The following ANXA8 variants were observed in gnomAD, a reference collection of about 807,000 sequenced individuals.
ANXA8 encodes annexin A8, also known as VAC-beta.
A neutral mutation model predicts 26.8 loss-of-function variants in ANXA8; 9 were observed. That is an observed-to-expected ratio of 0.34 (90% CI 0.20 to 0.59). The LOEUF is 0.59. Among genes scored for constraint, ANXA8 ranks in the 20% least tolerant of loss-of-function variants. The pLI is 0.84. For missense variants in ANXA8, 83 were observed against 238.5 expected (o/e 0.35, Z 4.29); for synonymous variants, 39 against 94.8 (o/e 0.41, Z 3.42).
the ANXA8 span, among the ~76,000 whole-genome samples, chr10:47,681,526 T>A: frequency 3.2e-5 from 4 of 123,848 alleles, no homozygotes; most frequent in African/African-American, 9.9e-5. Context: ...ATTTTTACTT[T>A]TTTTTTTTTT....
chr10:47,670,965 G>A, the ANXA8 span, among the ~76,000 whole-genome samples: 7 of 150,800 alleles, frequency 4.6e-5, no homozygotes, highest in East Asian at 1.9e-4. Context: ...ATGGTATTAC[G>A]ACACAAGGGT....
upstream of ANXA8, among the ~76,000 whole-genome samples, chr10:47,486,620 G>T (rs1366024446): frequency 2.3e-4 from 31 of 135,430 alleles, no homozygotes; most frequent in African/African-American, 7.9e-4. Flanking sequence ...TTCACCTAGG[G>T]TGACTATAGT....
the ANXA8 span, among the ~76,000 whole-genome samples, chr10:47,895,205 G>C: frequency 6.6e-6 from 1 of 151,788 alleles, no homozygotes; most frequent in East Asian, 1.9e-4. Flanking sequence ...TCCTGGGGAC[G>C]GAGGACTGCG....
At chr10:47,555,759 C>T in the ANXA8 span, among the ~76,000 whole-genome samples, 1 of 152,006 alleles carries the variant, frequency 6.6e-6, no homozygotes, top group Non-Finnish European at 1.5e-5. Flanking sequence ...TTGCAGGACA[C>T]CCGGTTTGTA....
the ANXA8 span, among the ~76,000 whole-genome samples, chr10:47,618,137 G>A: frequency 7.3e-5 from 8 of 109,916 alleles, no homozygotes; most frequent in East Asian, 1.7e-3. Context: ...ACGATGCTGT[G>A]CTTAATGAAT....
chr10:47,721,929 C>CA, the ANXA8 span, among the ~76,000 whole-genome samples: 3 of 127,512 alleles, frequency 2.4e-5, 1 homozygote, highest in African/African-American at 1.1e-4. Context: ...TATGTGACTC[C>CA]AAAATCATCT....
At chr10:47,646,868 C>T in the ANXA8 span, among the ~76,000 whole-genome samples, 1 of 152,200 alleles carries the variant, frequency 6.6e-6, no homozygotes, top group Non-Finnish European at 1.5e-5. Flanking sequence ...ACTAAGCAGT[C>T]CCATTTTTAT....
the ANXA8 span, among the ~76,000 whole-genome samples, chr10:47,588,414 G>A: frequency 7.4e-6 from 1 of 134,594 alleles, no homozygotes; most frequent in Non-Finnish European, 1.5e-5. Flanking sequence ...GAGAACTGGA[G>A]CCTTTCTTAA....
the ANXA8 span, among the ~76,000 whole-genome samples, chr10:47,743,435 C>T: frequency 4.8e-4 from 48 of 100,084 alleles, no homozygotes; most frequent in Middle Eastern, 0.013. Flanking sequence ...AGAGAAGTTG[C>T]ATGGTTAGGT....
the ANXA8 span, among the ~76,000 whole-genome samples, chr10:47,755,495 T>A: frequency 6.6e-6 from 1 of 151,392 alleles, no homozygotes; most frequent in Non-Finnish European, 1.5e-5. Flanking sequence ...GACCTCGTGA[T>A]CTGCCTACCT....
the ANXA8 span, among the ~76,000 whole-genome samples, chr10:47,960,365 A>C: frequency 4.9e-5 from 7 of 143,354 alleles, no homozygotes; most frequent in African/African-American, 8.2e-5. Context: ...TTAAATTCAA[A>C]TAACTCTGGC....
chr10:47,481,494 C>T (rs1338325291), intron 1 of ANXA8, among the ~76,000 whole-genome samples: 3 of 141,158 alleles, frequency 2.1e-5, no homozygotes, highest in South Asian at 2.3e-4. Flanking sequence ...CCCACAGGAA[C>T]GCAGGTCATC....
the ANXA8 span, among the ~76,000 whole-genome samples, chr10:47,645,753 G>A: frequency 1.3e-5 from 2 of 149,926 alleles, no homozygotes; most frequent in African/African-American, 5.1e-5. Context: ...ACTGAGTGAA[G>A]AGGATCATCC....
chr10:47,975,916 G>A, the ANXA8 span, among the ~76,000 whole-genome samples: 1 of 146,176 alleles, frequency 6.8e-6, no homozygotes, highest in Non-Finnish European at 1.5e-5. Context: ...CTATGGAATA[G>A]AAAAAAACTT....
At chr10:47,631,919 A>T in the ANXA8 span, among the ~76,000 whole-genome samples, 1 of 151,572 alleles carries the variant, frequency 6.6e-6, no homozygotes, top group African/African-American at 2.4e-5. Context: ...TAGAAATACC[A>T]TTCTTCTATG....
chr10:47,493,893 G>C, the ANXA8 span, among the ~76,000 whole-genome samples: 1 of 135,124 alleles, frequency 7.4e-6, no homozygotes, highest in African/African-American at 3.0e-5. Flanking sequence ...TGGGGAGAAG[G>C]CAAGAGGCCC....
upstream of ANXA8, among the ~76,000 whole-genome samples, chr10:47,487,891 G>C (rs1184121778): frequency 4.6e-5 from 7 of 150,648 alleles, no homozygotes; most frequent in East Asian, 1.4e-3. Context: ...TCCAAGATTA[G>C]GCCAAAGTCT....
chr10:47,707,181 AAAAC>A, the ANXA8 span, among the ~76,000 whole-genome samples: 2 of 121,200 alleles, frequency 1.7e-5, no homozygotes, highest in Admixed American at 1.6e-4. Flanking sequence ...AAAACAAAAA[AAAAC>A]AAAAAAAAGA....
chr10:47,733,229 T>TCTC, the ANXA8 span, among the ~76,000 whole-genome samples: 36 of 67,894 alleles, frequency 5.3e-4, 1 homozygote, highest in African/African-American at 1.9e-3. Flanking sequence ...TTCTCTTTCT[T>TCTC]TCTCTCTTTC....
Sources: allele counts gnomAD v4.1 joint callset (sites outside exome capture counted in the v4.1 genomes callset), GRCh38; gene constraint gnomAD v4.1.1; transcripts MANE v1.5; gene names NCBI Gene and HGNC (gene_info 2026-07-23, HGNC 2026-07-21).